JCAD: variants seen among roughly 807,000 people sequenced by gnomAD.
JCAD encodes junctional cadherin 5 associated, also known as junctional cadherin 5-associated protein.
A neutral mutation model predicts 98.0 loss-of-function variants in JCAD; 40 were observed. That is an observed-to-expected ratio of 0.41 (90% confidence interval 0.32 to 0.53). The LOEUF is 0.53. Among genes scored for constraint, JCAD ranks in the 20% least tolerant of loss-of-function variants. The probability of loss-of-function intolerance (pLI) is 0.31; values close to 1 mark genes in which losing one functional copy is unlikely to be tolerated. For missense variants in JCAD, 1,705 were observed against 1,738.1 expected, an observed-to-expected ratio of 0.98 and a Z score of 0.34; for synonymous variants, 691 against 682.3, an observed-to-expected ratio of 1.01 and a Z score of -0.20.
chr10:30,053,153 CTTG>C (rs1004856799), intron 1 of JCAD, among the ~76,000 whole-genome samples: 5 of 150,594 alleles, frequency 3.3e-5, no homozygotes, highest in East Asian at 3.9e-4. Flanking sequence ...AAAAGCAATG[CTTG>C]TTGTTGGTAA....
At chr10:30,072,112 G>GA (rs1837902960) in intron 1 of JCAD, among the ~76,000 whole-genome samples, 1 of 150,854 alleles carries the variant, frequency 6.6e-6, no homozygotes. Context: ...TGGAAGGAAG[G>GA]AAAGAAGGAA....
At chr10:30,058,522 T>A (rs192118912) in intron 1 of JCAD, among the ~76,000 whole-genome samples, 25 of 152,306 alleles carry the variant, frequency 1.6e-4, no homozygotes, top group Non-Finnish European at 3.4e-4. Flanking sequence ...TCTTCTTCAG[T>A]AGTGAAATCA....
In JCAD at chr10:30,101,445, G is replaced by C. The variant is rs184098243; in HGVS notation, n.128+13922C>G. 2.2e-4 allele frequency among the ~76,000 whole-genome samples: 34 copies of C among 152,296 alleles called. No individual in the cohort carries two copies. The East Asian group carries it at 4.1e-3, about 18-fold the overall frequency. On this transcript the variant is annotated intron_variant and non_coding_transcript_variant, in intron 1 of 2. Coordinates refer to the JCAD transcript ENST00000465712. The stretch of plus-strand genomic sequence containing the variant: ...CTGTTTTATTAGTAATTCCAAAAGG[G>C]AGGAGGGTGTCATGAGGCATGTCTG...
chr10:30,091,668 A>G (rs1838266737), intron 1 of JCAD, among the ~76,000 whole-genome samples: 1 of 144,962 alleles, frequency 6.9e-6, no homozygotes, highest in Non-Finnish European at 1.5e-5. Context: ...GAAATTCTTC[A>G]TTTACATGGT....
In JCAD at chr10:30,014,902, G is replaced by C. The variant is rs1836504162; in HGVS notation, c.*2981C>G. ...TCTCAAAGAACAGATTCATGTTTTA[G>C]GGACTTTAAAAGAAGAAATCCAAGC... On this transcript the variant is annotated 3_prime_UTR_variant, in exon 4 of 4. Coordinates refer to ENST00000375377, the MANE Select transcript of JCAD (RefSeq NM_020848.4). 2 of 152,166 alleles carry C rather than the reference G, an allele frequency of 1.3e-5. No individual in the cohort carries two copies. The highest frequency in any genetic ancestry group is 4.8e-5 in the African/African-American group (2 of 41,428). The allele number at this position is 152,166 out of a possible 1,614,324, so 9.4% of individuals were successfully genotyped here.
At chr10:30,073,103 G>T (rs773700881) in intron 1 of JCAD, among the ~76,000 whole-genome samples, 16 of 152,210 alleles carry the variant, frequency 1.1e-4, no homozygotes, top group Non-Finnish European at 5.9e-5. Context: ...GGAGCTGAAG[G>T]TATTCACAGT....
In JCAD at chr10:30,047,632, C is replaced by T. The variant is rs150437948; in HGVS notation, c.181G>A (p.Ala61Thr). 412 of 1,614,166 alleles carry T rather than the reference C, an allele frequency of 2.6e-4. No individual in the cohort carries two copies. The highest frequency in any genetic ancestry group is 3.2e-4 in the Non-Finnish European group (377 of 1,180,024). Residue 61 changes from alanine to threonine, a missense_variant, in exon 2 of 4, where the codon GCG becomes ACG. This residue lies in a region of JCAD where 152 missense variants were observed against 148.0 expected (regional missense o/e 1.03). Transcript: ENST00000375377. ...PAALAHRKTSAGKGHVSDSES... is the reference protein window; with the variant it reads ...PAALAHRKTSTGKGHVSDSES... Reference sequence around the variant, plus strand: ...GAGTCACTCACATGTCCTTTCCCCGCGGACGTCTTACGATGTGCGAGGGCC... The same window carrying T: ...GAGTCACTCACATGTCCTTTCCCCGTGGACGTCTTACGATGTGCGAGGGCC...
At chr10:30,073,986 A>G (rs141078500) in intron 1 of JCAD, among the ~76,000 whole-genome samples, 13 of 152,280 alleles carry the variant, frequency 8.5e-5, no homozygotes, top group African/African-American at 2.6e-4. Flanking sequence ...TAATCTGAGC[A>G]TATGGCTGTG....
intron 1 of JCAD, among the ~76,000 whole-genome samples, chr10:30,092,121 T>TA (rs1205971784): frequency 1.8e-5 from 2 of 112,552 alleles, no homozygotes; most frequent in East Asian, 5.0e-4. Flanking sequence ...TATATATATA[T>TA]ATATAAAAAA....
Position 30,027,169 on chromosome 10 carries a change from T to A in JCAD, c.2979A>T (p.Pro993=), listed in dbSNP as rs201320555. The change falls in exon 3 of 4, where the codon CCA becomes CCT. Residue 993 remains proline, a synonymous_variant. Coordinates refer to ENST00000375377, the MANE Select transcript of JCAD (RefSeq NM_020848.4). ...SDAKPLPASY[P]AEPREPQESP... ...TTTCCTGGGGCTCCCTAGGTTCAGC[T>A]GGATAGGACGCGGGCAGTGGTTTTG... 1 of 1,614,174 alleles carries A rather than the reference T, an allele frequency of 6.2e-7. No individual in the cohort carries two copies. Among genetic ancestry groups the A allele is most frequent in the Admixed American group, 1.7e-5 (1 of 60,034 alleles).
chr10:30,054,680 T>C (rs1837532016), intron 1 of JCAD, among the ~76,000 whole-genome samples: 1 of 151,776 alleles, frequency 6.6e-6, no homozygotes, highest in Admixed American at 6.6e-5. Flanking sequence ...TGCATCTTTT[T>C]TTTTTTTTGA....
chr10:30,106,926 G>A (rs900574973), intron 1 of JCAD, among the ~76,000 whole-genome samples: 9 of 152,168 alleles, frequency 5.9e-5, no homozygotes, highest in Non-Finnish European at 1.0e-4. Flanking sequence ...GGGAGACCAC[G>A]GCTGGGTGCA....
chr10:30,094,373 C>T (rs1022616742), intron 1 of JCAD, among the ~76,000 whole-genome samples: 7 of 152,016 alleles, frequency 4.6e-5, no homozygotes, highest in Admixed American at 2.0e-4. Flanking sequence ...CCCACGATCC[C>T]GGGAGGCGGG....
rs929495230 is a variant in JCAD, at chr10:30,015,333, A to G, written c.*2550T>C. ...TTATGTATGTATGAGAAATAGAAAC[A>G]ATAACTAAACAATTAGTGTTAAATT... On this transcript the variant is annotated 3_prime_UTR_variant, in exon 4 of 4. Transcript: ENST00000375377. 2.6e-5 allele frequency: 4 copies of G among 152,238 alleles called. No homozygotes were observed. Among genetic ancestry groups the G allele is most frequent in the African/African-American group, 9.6e-5 (4 of 41,466 alleles). 9.4% of individuals were successfully genotyped at this position (152,238 alleles called of 1,614,324 possible). A position where few individuals can be genotyped will look rare whatever the true frequency, so the allele number is the denominator to read the frequency against.
At chr10:30,055,255 C>T (rs1837547096) in intron 1 of JCAD, among the ~76,000 whole-genome samples, 1 of 152,180 alleles carries the variant, frequency 6.6e-6, no homozygotes, top group Non-Finnish European at 1.5e-5. Context: ...CACTGACATT[C>T]CATGCTTAAG....
At position 30,069,446 on chromosome 10, in the gene JCAD, CAAAAAA is replaced by C. The variant is rs35069678; in HGVS notation, n.250+248_250+253del. 5.9e-3 allele frequency among the ~76,000 whole-genome samples: 624 copies of C among 105,578 alleles called. 2 individuals carry two copies. The highest frequency in any genetic ancestry group is 0.019 in the African/African-American group (582 of 29,996). The allele number at this position is 105,578 out of a possible 152,430, so 69.3% of individuals were successfully genotyped here. On this transcript the variant is annotated intron_variant and non_coding_transcript_variant, in intron 2 of 2. Coordinates refer to the JCAD transcript ENST00000465712. ...GACCCCCATCTCTACAGAAAATTTA[CAAAAAA>C]AAAAAAAAAAAAAAAATTAGCCACT...
At chr10:30,109,319 C>G (rs1485554286) in intron 1 of JCAD, among the ~76,000 whole-genome samples, 1 of 152,200 alleles carries the variant, frequency 6.6e-6, no homozygotes, top group African/African-American at 2.4e-5. Context: ...GGACCTTTCA[C>G]TCTCTTGTTT....
chr10:30,044,329 C>T (rs534072190), intron 2 of JCAD, among the ~76,000 whole-genome samples: 60 of 152,298 alleles, frequency 3.9e-4, no homozygotes, highest in Non-Finnish European at 4.6e-4. Flanking sequence ...TCATTCAGCC[C>T]CTGTGGCCTT....
At position 30,047,637 on chromosome 10, in the gene JCAD, G is replaced by T. The variant is rs749382590; in HGVS notation, c.176C>A (p.Thr59Lys). ...ACTCACATGTCCTTTCCCCGCGGAC[G>T]TCTTACGATGTGCGAGGGCCGCAGG... ...DGPAALAHRK[T>K]SAGKGHVSDS... Residue 59 changes from threonine (T) to lysine (K), a missense_variant, in exon 2 of 4, where the codon ACG becomes AAG. Around this residue, in one of 3 missense-constraint regions of JCAD, gnomAD observed 152 missense variants for 148.0 expected, o/e 1.03. Coordinates refer to ENST00000375377, the MANE Select transcript of JCAD (RefSeq NM_020848.4). 11 of 1,614,058 alleles carry T rather than the reference G, an allele frequency of 6.8e-6. No homozygotes were observed. Among genetic ancestry groups the T allele is most frequent in the Non-Finnish European group, 9.3e-6 (11 of 1,180,042 alleles).
Sources: allele counts gnomAD v4.1 joint callset (sites outside exome capture counted in the v4.1 genomes callset), GRCh38; gene constraint gnomAD v4.1.1; regional missense constraint gnomAD v4.1.1; transcripts MANE v1.5; gene names NCBI Gene and HGNC (gene_info 2026-07-23, HGNC 2026-07-21).